Variants in CREM observed in about 807,000 individuals in gnomAD.
The protein encoded by CREM is cAMP responsive element modulator, also known as cAMP-responsive element modulator.
A neutral mutation model predicts 37.3 loss-of-function variants in CREM; 13 were observed. That is an observed-to-expected ratio of 0.35 (90% CI 0.23 to 0.55). The LOEUF (loss-of-function observed/expected upper bound fraction) is 0.55. CREM is among the 20% of genes least tolerant of loss of function. CREM has a pLI of 0.88. For missense variants in CREM, 296 were observed against 362.3 expected (o/e 0.82, Z 1.49); for synonymous variants, 124 against 120.2 (o/e 1.03, Z -0.21).
chr10:35,163,517 CTA>C (rs772157789), intron 3 of CREM, among the ~76,000 whole-genome samples: 3 of 152,018 alleles, frequency 2.0e-5, no homozygotes, highest in Non-Finnish European at 4.4e-5. Context: ...GACCATGTCT[CTA>C]TGAAAAATTA....
intron 5 of CREM, chr10:35,179,741 A>T (rs1337474916): frequency 1.3e-5 from 2 of 153,358 alleles, no homozygotes; most frequent in Non-Finnish European, 2.9e-5. Context: ...TTCCTAAAAG[A>T]GAATGGAAAA....
At chr10:35,145,933 G>C (rs2092060147) in intron 2 of CREM, among the ~76,000 whole-genome samples, 1 of 152,092 alleles carries the variant, frequency 6.6e-6, no homozygotes, top group African/African-American at 2.4e-5. Context: ...ACTAGGTTTG[G>C]GGTTGAGCCT....
chr10:35,143,058 A>G (rs984984817), intron 2 of CREM, among the ~76,000 whole-genome samples: 2 of 152,154 alleles, frequency 1.3e-5, no homozygotes, highest in Non-Finnish European at 1.5e-5. Context: ...GCAACCTCCA[A>G]CTCCCAGGTT....
intron 5 of CREM, among the ~76,000 whole-genome samples, chr10:35,187,271 GTT>G (rs113824814): frequency 8.8e-6 from 1 of 113,792 alleles, no homozygotes; most frequent in Non-Finnish European, 1.7e-5. Context: ...ATGTATGTTG[GTT>G]TTTTTTTTTA....
In CREM at chr10:35,196,865, CT is replaced by C. The variant is rs58503822; in HGVS notation, c.598+8499del. ...TAAAATGATGTGAAAACGCTGTGTA[CT>C]TTTTTTTTTTTTTTTTTTTTTGAGA... On this transcript the variant is annotated intron_variant, in intron 6 of 7. Transcript: ENST00000685392. Among the ~76,000 whole-genome samples, 236 of 108,938 alleles carry C rather than the reference CT, an allele frequency of 2.2e-3. 2 individuals are homozygous for C. Among genetic ancestry groups the C allele is most frequent in the Middle Eastern group, 0.011 (2 of 178 alleles). The allele number at this position is 108,938 out of a possible 152,430, so 71.5% of individuals were successfully genotyped here. A position where few individuals can be genotyped will look rare whatever the true frequency, so the allele number is the denominator to read the frequency against.
intron 2 of CREM, among the ~76,000 whole-genome samples, chr10:35,142,175 G>A (rs1483112364): frequency 1.3e-5 from 2 of 152,168 alleles, no homozygotes; most frequent in Non-Finnish European, 2.9e-5. Context: ...GGAATAGCTC[G>A]AGAGATTTCT....
intron 6 of CREM, among the ~76,000 whole-genome samples, chr10:35,190,413 A>G (rs1019134937): frequency 6.6e-6 from 1 of 152,194 alleles, no homozygotes; most frequent in Non-Finnish European, 1.5e-5. Context: ...TGTATGGGGC[A>G]GCCTTAATTA....
intron 5 of CREM, among the ~76,000 whole-genome samples, chr10:35,187,006 A>G (rs190839004): frequency 0.14 from 12,227 of 87,466 alleles, 863 homozygotes; most frequent in South Asian, 0.18. Context: ...TATTATATAT[A>G]ATATAATATA....
rs537682499 is a variant in CREM at position 35,200,651 on chromosome 10, A to C, written c.599-6244A>C. Among the ~76,000 whole-genome samples, 389 of 152,266 alleles carry C rather than the reference A, an allele frequency of 2.6e-3. 3 individuals carry two copies. Among genetic ancestry groups the C allele is most frequent in the African/African-American group, 9.0e-3 (375 of 41,550 alleles). On this transcript the variant is annotated intron_variant, in intron 6 of 7. Transcript: ENST00000685392. ...GTATTAGGAGCAGGTGGTGGTAGAC[A>C]GGAAGAGAACCACAGCAGTGGTGGT...
At chr10:35,155,480 A>G (rs2092836097) in intron 3 of CREM, among the ~76,000 whole-genome samples, 1 of 152,208 alleles carries the variant, frequency 6.6e-6, no homozygotes. Flanking sequence ...CTACACTTAA[A>G]CAGTGAATAT....
intron 3 of CREM, among the ~76,000 whole-genome samples, chr10:35,159,646 A>G (rs2093165124): frequency 6.6e-6 from 1 of 152,252 alleles, no homozygotes; most frequent in Non-Finnish European, 1.5e-5. Flanking sequence ...ACTCCTTGAC[A>G]TTAGTCTGGC....
At chr10:35,164,463 G>A (rs575072339) in intron 3 of CREM, among the ~76,000 whole-genome samples, 89 of 152,132 alleles carry the variant, frequency 5.9e-4, no homozygotes, top group Non-Finnish European at 1.0e-3. Context: ...GCAAAGTTCC[G>A]GTATGTCAGG....
chr10:35,138,600 C>T (rs748764531), intron 2 of CREM, among the ~76,000 whole-genome samples: 6 of 149,982 alleles, frequency 4.0e-5, no homozygotes, highest in African/African-American at 7.4e-5. Context: ...AATCTTGGCT[C>T]AGTGCAACCT....
At chr10:35,130,890 T>C (rs1350134945) in intron 1 of CREM, among the ~76,000 whole-genome samples, 2 of 152,222 alleles carry the variant, frequency 1.3e-5, no homozygotes, top group African/African-American at 4.8e-5. Context: ...AATTCAGTTA[T>C]AGCAAGGTTT....
chr10:35,159,078 T>C (rs1038302247), intron 3 of CREM, among the ~76,000 whole-genome samples: 1 of 152,264 alleles, frequency 6.6e-6, no homozygotes, highest in East Asian at 1.9e-4. Context: ...TAAATAGTTA[T>C]TTGTAACCTA....
At chr10:35,191,772 T>TCCC (rs2094929073) in intron 6 of CREM, among the ~76,000 whole-genome samples, 1 of 151,970 alleles carries the variant, frequency 6.6e-6, no homozygotes, top group Non-Finnish European at 1.5e-5. Flanking sequence ...TCAGGCTCAC[T>TCCC]CCCCCACCCT....
chr10:35,145,269 C>T (rs896920827), intron 2 of CREM, among the ~76,000 whole-genome samples: 1 of 151,930 alleles, frequency 6.6e-6, no homozygotes, highest in African/African-American at 2.4e-5. Flanking sequence ...ATCTAATTAT[C>T]CCCCTTTCCC....
intron 5 of CREM, among the ~76,000 whole-genome samples, chr10:35,184,820 A>C (rs2094486125): frequency 6.6e-6 from 1 of 152,144 alleles, no homozygotes; most frequent in African/African-American, 2.4e-5. Context: ...AAAAGGAAGT[A>C]AAGGTCTTTG....
chr10:35,142,995 C>A (rs553036292), intron 2 of CREM, among the ~76,000 whole-genome samples: 50 of 152,204 alleles, frequency 3.3e-4, no homozygotes, highest in Non-Finnish European at 6.2e-4. Flanking sequence ...TTGGTTTTAT[C>A]CAAGATTGGT....
Sources: allele counts gnomAD v4.1 joint callset (sites outside exome capture counted in the v4.1 genomes callset), GRCh38; gene constraint gnomAD v4.1.1; transcripts MANE v1.5; gene names NCBI Gene and HGNC (gene_info 2026-07-23, HGNC 2026-07-21).